CD99: variants seen among roughly 807,000 people sequenced by gnomAD.
The protein encoded by CD99 is CD99 antigen.
A neutral mutation model predicts 28.4 loss-of-function variants in CD99; 19 were observed. That is an observed-to-expected ratio of 0.67 (90% CI 0.47 to 0.98). CD99 has a LOEUF of 0.98. Among genes scored for constraint, CD99 ranks in the 50% least tolerant of loss-of-function variants. The pLI, the probability that CD99 is intolerant of heterozygous loss-of-function variation, is 0.00. For synonymous variants in CD99, 103 were observed against 92.1 expected (o/e 1.12, Z -0.67); for missense variants, 283 against 248.8 (o/e 1.14, Z -0.92).
chrX:2,709,868 C>T (rs1052055714), intron 1 of CD99, among the ~76,000 whole-genome samples: 2 of 152,122 alleles, frequency 1.3e-5, no homozygotes, highest in African/African-American at 4.8e-5. Context: ...GACCTAAACC[C>T]GAAGGTGGTT....
intron 8 of CD99, 157 bp from the exon 9 acceptor site, chrX:2,738,043 T>TC: frequency 1.3e-6 from 1 of 762,748 alleles, no homozygotes; most frequent in Non-Finnish European, 2.4e-6. Context: ...AGTGTTAGAC[T>TC]CCATGTTCCC....
chrX:2,725,802 C>G (rs188622303), intron 7 of CD99, among the ~76,000 whole-genome samples: 1 of 152,062 alleles, frequency 6.6e-6, no homozygotes, highest in Non-Finnish European at 1.5e-5. Context: ...TTCGTAGAGA[C>G]GGGTTTTACC....
chrX:2,696,893 C>G (rs2047601903), intron 1 of CD99, among the ~76,000 whole-genome samples: 1 of 152,098 alleles, frequency 6.6e-6, no homozygotes, highest in Admixed American at 6.6e-5. Flanking sequence ...TAGTATGACT[C>G]AGGGTTGCCA....
intron 2 of CD99, chrX:2,717,364 G>T (rs868785147): frequency 1.6e-4 from 59 of 361,920 alleles, no homozygotes; most frequent in East Asian, 2.3e-4. Context: ...AAAAAAAAAA[G>T]AAGTGGAGAA....
intron 3 of CD99, among the ~76,000 whole-genome samples, chrX:2,718,289 A>G (rs2048833052): frequency 3.3e-5 from 5 of 151,642 alleles, no homozygotes; most frequent in Admixed American, 3.3e-4. Context: ...GATCTCCCCC[A>G]TGATGACCAA....
chrX:2,716,854 G>C (rs191323042), intron 2 of CD99, among the ~76,000 whole-genome samples: 132 of 152,304 alleles, frequency 8.7e-4, no homozygotes, highest in Non-Finnish European at 1.6e-3. Flanking sequence ...ATTCTCAGAG[G>C]GGGCAGCCTA....
At chrX:2,734,219 A>AT (rs962781740) in intron 8 of CD99, among the ~76,000 whole-genome samples, 1 of 137,746 alleles carries the variant, frequency 7.3e-6, no homozygotes, top group Non-Finnish European at 1.6e-5. Context: ...CTTTCTTTTC[A>AT]TTTTTTTCTT....
chrX:2,705,450 T>A (rs1452638956), intron 1 of CD99, among the ~76,000 whole-genome samples: 6 of 152,236 alleles, frequency 3.9e-5, no homozygotes, highest in African/African-American at 2.4e-5. Context: ...CAGATTTTTT[T>A]AAATGATGTG....
At chrX:2,719,315 A>G (rs2048884830) in intron 3 of CD99, 3 of 292,440 alleles carry the variant, frequency 1.0e-5, no homozygotes, top group South Asian at 1.2e-4. Flanking sequence ...AACAGGAGAA[A>G]ATCATGTGCA....
chrX:2,723,745 G>C (rs2049124122), intron 7 of CD99, among the ~76,000 whole-genome samples: 1 of 152,172 alleles, frequency 6.6e-6, no homozygotes, highest in South Asian at 2.1e-4. Flanking sequence ...TCAGTAACCA[G>C]GTGGGAGGTG....
intron 8 of CD99, among the ~76,000 whole-genome samples, chrX:2,732,856 T>TA (rs2049730817): frequency 7.3e-6 from 1 of 137,466 alleles, no homozygotes; most frequent in Non-Finnish European, 1.5e-5. Flanking sequence ...CTCCTGTTCT[T>TA]ACATGCCTCT....
At position 2,693,462 on chromosome X, in the gene CD99, C is replaced by T. The variant is rs781505624; in HGVS notation, c.67+2035C>T. Among the ~76,000 whole-genome samples, 8 of 152,248 alleles carry T rather than the reference C, an allele frequency of 5.3e-5. No homozygotes were observed. The South Asian group carries it at 1.2e-3, about 24-fold the overall frequency. Reference sequence around the variant, plus strand: ...GGATCTCCTTGAGGGACGCTTCTCACCCCTTCTTTGCAGTCTGACCCTGCT... The same window carrying T: ...GGATCTCCTTGAGGGACGCTTCTCATCCCTTCTTTGCAGTCTGACCCTGCT... On this transcript the variant is annotated intron_variant, in intron 1 of 9. Transcript: ENST00000381192.
In CD99 at chrX:2,738,202, G is replaced by C; in HGVS notation, c.478G>C (p.Glu160Gln). 6.2e-7 allele frequency: 1 copy of C among 1,613,848 alleles called. No homozygotes were observed. Among genetic ancestry groups the C allele is most frequent in the Non-Finnish European group, 8.5e-7 (1 of 1,179,780 alleles). ...GTGTATTTTCTTCTTCTTTTCAGCA[G>C]AACAAGGGGAGGTGGACATGGAGAG... The part of the protein sequence containing the change: ...KKKLCFKENA[E>Q]QGEVDMESHR... Residue 160 changes from glutamate to glutamine, a missense_variant and splice_region_variant, in exon 9 of 10, where the codon GAA becomes CAA. Transcript: ENST00000381192.
chrX:2,730,035 T>A (rs1183994675), intron 8 of CD99, among the ~76,000 whole-genome samples: 1 of 152,032 alleles, frequency 6.6e-6, no homozygotes, highest in Non-Finnish European at 1.5e-5. Flanking sequence ...CTGCCTGTGG[T>A]CCCAACTACT....
At chrX:2,698,911 G>C in intron 1 of CD99, among the ~76,000 whole-genome samples, 1 of 151,640 alleles carries the variant, frequency 6.6e-6, no homozygotes, top group East Asian at 2.0e-4. Flanking sequence ...CTGGTTTATA[G>C]ACGTGTTAGG....
intron 1 of CD99, among the ~76,000 whole-genome samples, chrX:2,694,853 A>G (rs1487869327): frequency 6.6e-6 from 1 of 152,070 alleles, no homozygotes; most frequent in East Asian, 1.9e-4. Context: ...CACTTTGGAG[A>G]TACTCAAGTA....
chrX:2,712,603 C>G (rs1603273776), intron 1 of CD99, among the ~76,000 whole-genome samples: 1 of 151,524 alleles, frequency 6.6e-6, no homozygotes, highest in Non-Finnish European at 1.5e-5. Context: ...GCTGTAATTG[C>G]ATTTATGATG....
chrX:2,717,940 T>C (rs1338749178), intron 3 of CD99: 23 of 35,196 alleles, frequency 6.5e-4, no homozygotes, highest in Non-Finnish European at 3.9e-4. Context: ...TTCTTCCCTT[T>C]TTTTTTTTTT....
chrX:2,708,759 C>T (rs1317679571), intron 1 of CD99, among the ~76,000 whole-genome samples: 2 of 152,134 alleles, frequency 1.3e-5, no homozygotes, highest in Non-Finnish European at 1.5e-5. Context: ...CTTGGACCTC[C>T]GTCGGCTGAG....
Sources: gnomAD v4.1 joint callset for allele counts (sites outside exome capture counted in the v4.1 genomes callset) on GRCh38, gnomAD v4.1.1 for gene constraint, MANE v1.5 for transcripts, NCBI Gene and HGNC (gene_info 2026-07-23, HGNC 2026-07-21) for gene names.